Variants in ANGPT1 observed in about 807,000 individuals in gnomAD.
The protein encoded by ANGPT1 is angiopoietin-1.
ANGPT1 carries 17 observed loss-of-function variants against 62.2 expected under a neutral mutation model. The ratio of observed to expected loss-of-function variants is 0.27; its 90% CI spans 0.19 to 0.41. ANGPT1 has a LOEUF of 0.41. Ranked by LOEUF, ANGPT1 falls within the 10% of genes least tolerant of loss-of-function variation. ANGPT1 has a pLI of 1.00. For missense variants in ANGPT1, 478 were observed against 594.9 expected (o/e 0.80, Z 2.04); for synonymous variants, 199 against 198.9 (o/e 1.00, Z 0.00).
chr8:107,485,313 C>T (rs922475595), intron 1 of ANGPT1, among the ~76,000 whole-genome samples: 1 of 152,184 alleles, frequency 6.6e-6, no homozygotes, highest in Non-Finnish European at 1.5e-5. Flanking sequence ...TTTTGGTTTA[C>T]CTCGCCATGC....
intron 5 of ANGPT1, among the ~76,000 whole-genome samples, chr8:107,301,992 A>G (rs1223402512): frequency 6.6e-6 from 1 of 151,882 alleles, no homozygotes; most frequent in Non-Finnish European, 1.5e-5. Flanking sequence ...GAGACTAACA[A>G]TCAGGAAGAC....
intron 1 of ANGPT1, among the ~76,000 whole-genome samples, chr8:107,392,022 T>G (rs1816846009): frequency 6.6e-6 from 1 of 152,206 alleles, no homozygotes; most frequent in African/African-American, 2.4e-5. Flanking sequence ...CTGTAATAGC[T>G]GTAATCATTC....
rs1813225924 is a variant in ANGPT1 at position 107,250,488 on chromosome 8, T to A, written c.*1367A>T. The A allele has an allele frequency of 6.6e-6, 1 of 152,118 alleles. No homozygotes were observed. The highest frequency in any genetic ancestry group is 2.4e-5 in the African/African-American group (1 of 41,442). The allele number at this position is 152,118 out of a possible 1,614,324, so 9.4% of individuals were successfully genotyped here. On this transcript the variant is annotated 3_prime_UTR_variant, in exon 9 of 9. Transcript: ENST00000517746. ...GCCAATTTTTCTCCCCTGATAATAA[T>A]TTTTAAAAATTAAAAATTGCCTAAG...
chr8:107,487,183 T>C (rs1035779666), intron 1 of ANGPT1, among the ~76,000 whole-genome samples: 3 of 152,100 alleles, frequency 2.0e-5, no homozygotes, highest in African/African-American at 7.2e-5. Context: ...CCATCCTCTT[T>C]GCAGCACTCC....
intron 8 of ANGPT1, among the ~76,000 whole-genome samples, chr8:107,258,530 C>A (rs890688126): frequency 2.6e-5 from 4 of 152,214 alleles, no homozygotes; most frequent in East Asian, 3.9e-4. Context: ...TGGTTGTAGC[C>A]TTGCACGAGA....
chr8:107,305,102 A>G (rs996650707), intron 4 of ANGPT1, among the ~76,000 whole-genome samples: 16 of 151,962 alleles, frequency 1.1e-4, no homozygotes, highest in Non-Finnish European at 2.2e-4. Context: ...ACGGACTGCT[A>G]TTTTTCTAAA....
chr8:107,419,667 C>T (rs182756109), intron 1 of ANGPT1, among the ~76,000 whole-genome samples: 8 of 152,048 alleles, frequency 5.3e-5, no homozygotes, highest in African/African-American at 7.2e-5. Context: ...CCAGGGACCC[C>T]GGGAGAGTTG....
intron 8 of ANGPT1, among the ~76,000 whole-genome samples, chr8:107,261,660 G>A (rs902296634): frequency 1.4e-4 from 21 of 151,188 alleles, no homozygotes; most frequent in Admixed American, 4.0e-4. Context: ...AGCCAAGATC[G>A]TGTCACTGCA....
chr8:107,380,643 T>A (rs532681822), intron 1 of ANGPT1, among the ~76,000 whole-genome samples: 1 of 152,288 alleles, frequency 6.6e-6, no homozygotes, highest in East Asian at 1.9e-4. Context: ...TTTCAACCAA[T>A]AGCATGCCAA....
At chr8:107,428,713 T>A (rs1056747469) in intron 1 of ANGPT1, among the ~76,000 whole-genome samples, 5 of 152,180 alleles carry the variant, frequency 3.3e-5, no homozygotes, top group African/African-American at 1.2e-4. Context: ...CAGTGCTTTT[T>A]TAAGCAAGGA....
At chr8:107,265,107 C>T (rs1048266572) in intron 7 of ANGPT1, among the ~76,000 whole-genome samples, 1 of 152,122 alleles carries the variant, frequency 6.6e-6, no homozygotes, top group South Asian at 2.1e-4. Flanking sequence ...TGGCATTCTT[C>T]GAAGAACCTC....
At chr8:107,494,264 A>T (rs1813036510) in intron 1 of ANGPT1, among the ~76,000 whole-genome samples, 1 of 152,214 alleles carries the variant, frequency 6.6e-6, no homozygotes, top group African/African-American at 2.4e-5. Flanking sequence ...GACAGAAAAC[A>T]ATAGTTCACA....
chr8:107,427,524 G>A (rs898064316), intron 1 of ANGPT1, among the ~76,000 whole-genome samples: 1 of 152,198 alleles, frequency 6.6e-6, no homozygotes, highest in Non-Finnish European at 1.5e-5. Context: ...AGGACAGAGT[G>A]AGACACACAT....
chr8:107,406,129 T>C (rs1817143631), intron 1 of ANGPT1, among the ~76,000 whole-genome samples: 1 of 151,928 alleles, frequency 6.6e-6, no homozygotes. Flanking sequence ...ATAGTTAAAA[T>C]TGATATGAAA....
At chr8:107,335,419 G>A (rs1299790905) in intron 3 of ANGPT1, among the ~76,000 whole-genome samples, 2 of 152,156 alleles carry the variant, frequency 1.3e-5, no homozygotes, top group Non-Finnish European at 2.9e-5. Flanking sequence ...CAAGAAACTT[G>A]TCCTAAGGAA....
At position 107,457,825 on chromosome 8, in the gene ANGPT1, T is replaced by TACACAC. The variant is rs148742634; in HGVS notation, c.297+39431_297+39436dup. Reference sequence around the variant, plus strand: ...TCACACTCACCCCACACATACCCACTACACACACACACACACACACACACA... The same window carrying TACACAC: ...TCACACTCACCCCACACATACCCACTACACACACACACACACACACACACACACACA... On this transcript the variant is annotated intron_variant, in intron 1 of 8. Transcript: ENST00000517746. Among the ~76,000 whole-genome samples, 362 of 81,754 alleles carry TACACAC rather than the reference T, an allele frequency of 4.4e-3. 3 individuals carry two copies. The highest frequency in any genetic ancestry group is 0.014 in the African/African-American group (332 of 23,650). 53.6% of individuals were successfully genotyped at this position (81,754 alleles called of 152,430 possible).
At chr8:107,355,719 T>G (rs1816030249) in intron 1 of ANGPT1, among the ~76,000 whole-genome samples, 1 of 152,180 alleles carries the variant, frequency 6.6e-6, no homozygotes, top group African/African-American at 2.4e-5. Context: ...CAGTTCAAGC[T>G]TTTCCTCCTC....
At chr8:107,331,754 G>A (rs1368060596) in intron 3 of ANGPT1, among the ~76,000 whole-genome samples, 1 of 152,100 alleles carries the variant, frequency 6.6e-6, no homozygotes, top group Non-Finnish European at 1.5e-5. Context: ...AGCTAGTATT[G>A]CTCAAACTAT....
At chr8:107,338,883 A>T (rs2130129204) in intron 2 of ANGPT1, among the ~76,000 whole-genome samples, 1 of 152,324 alleles carries the variant, frequency 6.6e-6, no homozygotes, top group South Asian at 2.1e-4. Context: ...TGGCACAGAG[A>T]CAACACTCAA....
Sources: gnomAD v4.1 joint callset for allele counts (sites outside exome capture counted in the v4.1 genomes callset) on GRCh38, gnomAD v4.1.1 for gene constraint, MANE v1.5 for transcripts, NCBI Gene and HGNC (gene_info 2026-07-23, HGNC 2026-07-21) for gene names.